The following ZNF609 variants were observed in gnomAD, a reference collection of about 807,000 sequenced individuals.
The protein encoded by ZNF609 is zinc finger protein 609.
Under a neutral mutation model 109.5 loss-of-function variants are expected in ZNF609, and 11 were observed. The ratio of observed to expected loss-of-function variants is 0.10; its 90% confidence interval spans 0.06 to 0.17. The LOEUF is 0.17. Among genes scored for constraint, ZNF609 ranks in the 10% least tolerant of loss-of-function variants. The pLI, the probability that ZNF609 is intolerant of heterozygous loss-of-function variation, is 1.00. For synonymous variants in ZNF609, 646 were observed against 662.0 expected (o/e 0.98, Z 0.37); for missense variants, 1,559 against 1,772.4 (o/e 0.88, Z 2.16).
intron 2 of ZNF609, among the ~76,000 whole-genome samples, chr15:64,549,660 C>CGTGT (rs143658939): frequency 6.6e-6 from 1 of 150,948 alleles, no homozygotes; most frequent in East Asian, 1.9e-4. Context: ...AGTCTGTACT[C>CGTGT]GTGTGTGTGT....
intron 2 of ZNF609, among the ~76,000 whole-genome samples, chr15:64,597,978 A>G (rs1259932591): frequency 6.6e-6 from 1 of 152,238 alleles, no homozygotes; most frequent in Non-Finnish European, 1.5e-5. Context: ...TAAAAAGAGC[A>G]TTTTAAACTA....
chr15:64,598,742 G>GTGTATATATATATA (rs1477685716), intron 2 of ZNF609, among the ~76,000 whole-genome samples: 1 of 60,288 alleles, frequency 1.7e-5, no homozygotes, highest in African/African-American at 6.5e-5. Flanking sequence ...CTTTGTGTGT[G>GTGTATATATATATA]TATATATATA....
At chr15:64,549,017 C>A (rs994036903) in intron 2 of ZNF609, among the ~76,000 whole-genome samples, 1 of 152,134 alleles carries the variant, frequency 6.6e-6, no homozygotes, top group Non-Finnish European at 1.5e-5. Context: ...AATTTAGGCA[C>A]ATGAATTTTT....
intron 3 of ZNF609, among the ~76,000 whole-genome samples, chr15:64,650,276 G>C (rs530763307): frequency 1.3e-5 from 2 of 151,498 alleles, no homozygotes; most frequent in Admixed American, 1.3e-4. Flanking sequence ...AATAAGCCAG[G>C]CATGGCAGCA....
chr15:64,595,863 G>A (rs1895388152), intron 2 of ZNF609, among the ~76,000 whole-genome samples: 1 of 152,176 alleles, frequency 6.6e-6, no homozygotes, highest in African/African-American at 2.4e-5. Flanking sequence ...CTCATAGTAA[G>A]TGTCATTTGG....
chr15:64,501,203 G>C (rs746447415), intron 2 of ZNF609: 1 of 152,118 alleles, frequency 6.6e-6, no homozygotes, highest in Non-Finnish European at 1.5e-5. Context: ...TCTGTAATTA[G>C]ATCAGCTGCA....
intron 1 of ZNF609, among the ~76,000 whole-genome samples, chr15:64,467,612 C>T (rs561216460): frequency 1.5e-3 from 225 of 152,258 alleles, no homozygotes; most frequent in African/African-American, 5.2e-3. Context: ...TTTGGGAGGC[C>T]GAGACGGGCG....
chr15:64,472,359 T>C (rs750423379), intron 1 of ZNF609, among the ~76,000 whole-genome samples: 9 of 152,244 alleles, frequency 5.9e-5, no homozygotes, highest in Non-Finnish European at 1.2e-4. Context: ...CCATATTGCA[T>C]GCTGGTACCA....
At chr15:64,486,880 G>A (rs1034549383) in intron 1 of ZNF609, among the ~76,000 whole-genome samples, 6 of 152,130 alleles carry the variant, frequency 3.9e-5, no homozygotes, top group African/African-American at 1.4e-4. Context: ...CATTACAGGT[G>A]TGAGCCACTA....
At chr15:64,529,159 A>G (rs1279328898) in intron 2 of ZNF609, 2 of 743,096 alleles carry the variant, frequency 2.7e-6, no homozygotes, top group East Asian at 2.5e-5. Context: ...GAATCCTTCT[A>G]TGATACCAAA....
At chr15:64,483,718 T>G (rs921738748) in intron 1 of ZNF609, among the ~76,000 whole-genome samples, 1 of 152,114 alleles carries the variant, frequency 6.6e-6, no homozygotes, top group African/African-American at 2.4e-5. Flanking sequence ...CATTACACTC[T>G]ACTATATAAG....
At chr15:64,626,181 C>T (rs1376060796) in intron 3 of ZNF609, among the ~76,000 whole-genome samples, 1 of 151,862 alleles carries the variant, frequency 6.6e-6, no homozygotes, top group East Asian at 1.9e-4. Context: ...TTATTTTATT[C>T]TCTTTTTCTG....
At chr15:64,559,824 C>T (rs978835079) in intron 2 of ZNF609, among the ~76,000 whole-genome samples, 2 of 152,158 alleles carry the variant, frequency 1.3e-5, no homozygotes, top group African/African-American at 4.8e-5. Context: ...GTTTAATATT[C>T]TACCTTCCTT....
intron 3 of ZNF609, chr15:64,653,076 A>C (rs1406857031): frequency 1.3e-5 from 2 of 152,260 alleles, no homozygotes; most frequent in Admixed American, 1.3e-4. Flanking sequence ...TCTGTGCCCT[A>C]TTTGGAAACC....
intron 3 of ZNF609, among the ~76,000 whole-genome samples, chr15:64,659,099 A>G (rs1896536582): frequency 6.6e-6 from 1 of 152,136 alleles, no homozygotes; most frequent in African/African-American, 2.4e-5. Context: ...TTAAAGATCT[A>G]TGTTTCATTT....
chr15:64,565,707 ATAT>A, intron 2 of ZNF609, among the ~76,000 whole-genome samples: 1 of 152,326 alleles, frequency 6.6e-6, no homozygotes, highest in Admixed American at 6.5e-5. Flanking sequence ...AGCATCTTTA[ATAT>A]TGAGCTAAGA....
At chr15:64,640,356 A>G (rs955014810) in intron 3 of ZNF609, among the ~76,000 whole-genome samples, 8 of 151,332 alleles carry the variant, frequency 5.3e-5, no homozygotes, top group African/African-American at 1.9e-4. Context: ...CTTTCTCTGC[A>G]TTACTATTTA....
chr15:64,481,863 C>T (rs971102129), intron 1 of ZNF609, among the ~76,000 whole-genome samples: 4 of 152,198 alleles, frequency 2.6e-5, no homozygotes, highest in Non-Finnish European at 4.4e-5. Flanking sequence ...CGGCTCACTT[C>T]AACCTCCACC....
chr15:64,470,665 G>A (rs1301476411), intron 1 of ZNF609: 1 of 152,020 alleles, frequency 6.6e-6, no homozygotes, highest in African/African-American at 2.4e-5. Context: ...GGGATTACAG[G>A]CGTGTGCCAC....
Sources: gnomAD v4.1 joint callset for allele counts (sites outside exome capture counted in the v4.1 genomes callset) on GRCh38, gnomAD v4.1.1 for gene constraint, MANE v1.5 for transcripts, NCBI Gene and HGNC (gene_info 2026-07-23, HGNC 2026-07-21) for gene names.